CHRNB3: variants seen among roughly 807,000 people sequenced by gnomAD.
CHRNB3 encodes cholinergic receptor nicotinic beta 3 subunit, also known as neuronal acetylcholine receptor subunit beta-3.
A neutral mutation model predicts 40.6 loss-of-function variants in CHRNB3; 37 were observed. The observed-to-expected ratio is 0.91, with a 90% confidence interval of 0.70 to 1.20. The LOEUF is 1.20. CHRNB3 is among the 50% of genes most tolerant of loss of function. The probability of loss-of-function intolerance (pLI) is 0.00; values close to 1 mark genes in which losing one functional copy is unlikely to be tolerated. For synonymous variants in CHRNB3, 207 were observed against 207.1 expected, an observed-to-expected ratio of 1.00 and a Z score of 0.00; for missense variants, 505 against 551.2, an observed-to-expected ratio of 0.92 and a Z score of 0.84.
Position 42,706,245 on chromosome 8 carries a change from G to A in CHRNB3, c.53-2472G>A, listed in dbSNP as rs534044755. Among the ~76,000 whole-genome samples the A allele has an allele frequency of 4.6e-5, 7 of 152,238 alleles. No homozygotes were observed. In the South Asian group the frequency reaches 6.2e-4, roughly 14 times the overall value. On this transcript the variant is annotated intron_variant, in intron 1 of 5. Coordinates refer to ENST00000289957, the MANE Select transcript of CHRNB3 (RefSeq NM_000749.5). ...TGTTCTGGGAATCGCAGACTGGCCCGAGGGCTGGGGAGGAGAATGTGGGCA... is the reference window on the plus strand; with the variant it reads ...TGTTCTGGGAATCGCAGACTGGCCCAAGGGCTGGGGAGGAGAATGTGGGCA...
intron 1 of CHRNB3, among the ~76,000 whole-genome samples, chr8:42,708,060 G>A (rs778218274): frequency 1.2e-4 from 19 of 152,316 alleles, no homozygotes; most frequent in African/African-American, 2.6e-4. Context: ...AAGAGGGAGC[G>A]TTGCAGATGG....
At chr8:42,723,544 G>A (rs1816255772) in intron 3 of CHRNB3, among the ~76,000 whole-genome samples, 1 of 152,176 alleles carries the variant, frequency 6.6e-6, no homozygotes, top group Admixed American at 6.5e-5. Flanking sequence ...AAAGCGTGGA[G>A]GATCTGGCTT....
At chr8:42,710,896 A>G (rs116655055) in intron 3 of CHRNB3, among the ~76,000 whole-genome samples, 1,687 of 152,340 alleles carry the variant, frequency 0.011, 34 homozygotes, top group African/African-American at 0.039. Context: ...CCCTGAATGG[A>G]GGAATAACGG....
chr8:42,728,211 C>A (rs1309808689), intron 3 of CHRNB3, among the ~76,000 whole-genome samples: 2 of 152,160 alleles, frequency 1.3e-5, no homozygotes, highest in African/African-American at 2.4e-5. Flanking sequence ...CATGATTAGT[C>A]ATTAGGAAAA....
intron 2 of CHRNB3, 82 bp downstream of exon 2, chr8:42,708,950 T>C (rs563505456): frequency 6.1e-5 from 81 of 1,319,576 alleles, no homozygotes; most frequent in African/African-American, 1.9e-4. Context: ...TTTTTCCCTA[T>C]GTCTGCCATT....
chr8:42,720,860 T>C (rs1014240697), intron 3 of CHRNB3, among the ~76,000 whole-genome samples: 1 of 152,254 alleles, frequency 6.6e-6, no homozygotes, highest in Non-Finnish European at 1.5e-5. Flanking sequence ...AAGACAGAAG[T>C]GCTAGAATTT....
At chr8:42,703,628 A>T (rs62516742) in intron 1 of CHRNB3, among the ~76,000 whole-genome samples, 4,717 of 151,822 alleles carry the variant, frequency 0.031, 121 homozygotes, top group Middle Eastern at 0.11. Context: ...TAATACAAAG[A>T]CCACTTGTCC....
Position 42,697,457 on chromosome 8 carries a change from C to T in CHRNB3, c.-90C>T. On this transcript the variant is annotated 5_prime_UTR_variant, in exon 1 of 6. Coordinates refer to ENST00000289957, the MANE Select transcript of CHRNB3 (RefSeq NM_000749.5). ...TTGGGTTCCACTTCGGATTTTGAAC[C>T]CCTGTATTTTCTTTTCAAAACCCCC... is the stretch of plus-strand genomic sequence containing the variant. 8.9e-7 allele frequency: 1 copy of T among 1,118,356 alleles called. No homozygotes were observed. Among genetic ancestry groups the T allele is most frequent in the Non-Finnish European group, 1.4e-6 (1 of 734,284 alleles). 69.3% of individuals were successfully genotyped at this position (1,118,356 alleles called of 1,614,324 possible). A position where few individuals can be genotyped will look rare whatever the true frequency, so the allele number is the denominator to read the frequency against.
chr8:42,697,597 A>G lies in CHRNB3; in HGVS notation c.51A>G (p.Ser17=). ...LVLIVLGIPS[S]ATTGFNSIAE... ...TCATCGTCCTTGGCATCCCTTCCTC[A>G]GGTAAGCACAAGTCACAGTAAATTA... The change falls in exon 1 of 6, where the codon TCA becomes TCG. Residue 17 remains serine (S), a splice_region_variant and synonymous_variant. Coordinates refer to ENST00000289957, the MANE Select transcript of CHRNB3 (RefSeq NM_000749.5). 6.2e-7 allele frequency: 1 copy of G among 1,612,210 alleles called. No individual in the cohort carries two copies. The highest frequency in any genetic ancestry group is 8.5e-7 in the Non-Finnish European group (1 of 1,178,264).
intron 3 of CHRNB3, chr8:42,725,397 GTCTTT>G: frequency 1.9e-6 from 1 of 514,758 alleles, no homozygotes; most frequent in East Asian, 3.8e-5. Flanking sequence ...GCCAGCTACT[GTCTTT>G]TCTTTGACCC....
chr8:42,726,755 G>C (rs1020992387), intron 3 of CHRNB3, among the ~76,000 whole-genome samples: 58 of 152,142 alleles, frequency 3.8e-4, no homozygotes, highest in African/African-American at 1.4e-3. Flanking sequence ...CTGCCAAAGT[G>C]CTGGGATTAC....
At chr8:42,720,256 C>A (rs79202977) in intron 3 of CHRNB3, among the ~76,000 whole-genome samples, 8,430 of 150,788 alleles carry the variant, frequency 0.056, 304 homozygotes, top group Middle Eastern at 0.097. Flanking sequence ...GCTGGGACTA[C>A]AGGCGTGTGC....
intron 5 of CHRNB3, 135 bp from the exon 6 acceptor site, chr8:42,736,349 T>G: frequency 9.4e-7 from 1 of 1,061,884 alleles, no homozygotes; most frequent in Non-Finnish European, 1.4e-6. Context: ...TGTAGTGTGG[T>G]TGGGACATTA....
intron 3 of CHRNB3, among the ~76,000 whole-genome samples, chr8:42,713,660 C>T (rs758983291): frequency 2.6e-4 from 39 of 152,232 alleles, no homozygotes; most frequent in Non-Finnish European, 4.0e-4. Context: ...TTTCTCATCC[C>T]TCATCCACCT....
intron 3 of CHRNB3, among the ~76,000 whole-genome samples, chr8:42,718,957 T>C (rs1376146674): frequency 6.6e-6 from 1 of 152,154 alleles, no homozygotes; most frequent in Non-Finnish European, 1.5e-5. Flanking sequence ...GATATTTGGC[T>C]CTGACATATC....
intron 3 of CHRNB3, among the ~76,000 whole-genome samples, chr8:42,727,008 G>C (rs545060274): frequency 3.1e-4 from 47 of 152,220 alleles, no homozygotes; most frequent in Middle Eastern, 3.4e-3. Flanking sequence ...ATATCTTATA[G>C]ATAGCCACAA....
chr8:42,731,648 G>C lies in CHRNB3; in HGVS notation c.360-19G>C, dbSNP rs766529434. 1.6e-5 allele frequency: 26 copies of C among 1,576,332 alleles called. No individual in the cohort carries two copies. In the South Asian group the frequency reaches 2.9e-4, roughly 18 times the overall value. On this transcript the variant is annotated intron_variant, in intron 4 of 5. Coordinates refer to ENST00000289957, the MANE Select transcript of CHRNB3 (RefSeq NM_000749.5). ...CAGGTGCTCCACCGACTGCTAAGGT[G>C]AAACTGCTTTGATTGCAGTGCTGAC... is the stretch of plus-strand genomic sequence containing the variant.
chr8:42,730,440 T>C (rs762852497), intron 3 of CHRNB3, among the ~76,000 whole-genome samples, 154 bp from the exon 4 acceptor site: 6 of 152,190 alleles, frequency 3.9e-5, no homozygotes, highest in Non-Finnish European at 8.8e-5. Flanking sequence ...GTGAATCCTG[T>C]ACTGAGTCCC....
At chr8:42,731,371 T>C (rs1816415141) in intron 4 of CHRNB3, among the ~76,000 whole-genome samples, 1 of 151,940 alleles carries the variant, frequency 6.6e-6, no homozygotes, top group South Asian at 2.1e-4. Flanking sequence ...CTGGCCAACA[T>C]GGCGAAACCC....
Sources: gnomAD v4.1 joint callset for allele counts (sites outside exome capture counted in the v4.1 genomes callset) on GRCh38, gnomAD v4.1.1 for gene constraint, MANE v1.5 for transcripts, NCBI Gene and HGNC (gene_info 2026-07-23, HGNC 2026-07-21) for gene names.